Variants in SPATA33 observed in about 807,000 individuals in gnomAD.
SPATA33 encodes the protein spermatogenesis-associated protein 33.
Under a neutral mutation model 8.9 loss-of-function variants are expected in SPATA33, and 10 were observed. The ratio of observed to expected loss-of-function variants is 1.12; its 90% CI spans 0.69 to 1.90. The LOEUF is 1.90. Among genes scored for constraint, SPATA33 ranks in the 40% most tolerant of loss-of-function variants. The pLI, the probability that SPATA33 is intolerant of heterozygous loss-of-function variation, is 0.00. For missense variants in SPATA33, 241 were observed against 178.3 expected (o/e 1.35, Z -2.00); for synonymous variants, 96 against 72.8 (o/e 1.32, Z -1.63).
intron 2 of SPATA33, 64 bp from the exon 3 acceptor site, chr16:89,669,222 G>A: frequency 7.0e-7 from 1 of 1,430,130 alleles, no homozygotes; most frequent in Non-Finnish European, 9.9e-7. Flanking sequence ...ATGGCAGGAG[G>A]TGTGTGCATC....
At chr16:89,666,482 G>T (rs2060026843) in intron 2 of SPATA33, among the ~76,000 whole-genome samples, 1 of 152,168 alleles carries the variant, frequency 6.6e-6, no homozygotes, top group Non-Finnish European at 1.5e-5. Context: ...GGGCAACATG[G>T]CAAAACCGTG....
chr16:89,662,101 G>A (rs1488790363), intron 2 of SPATA33, among the ~76,000 whole-genome samples: 1 of 152,072 alleles, frequency 6.6e-6, no homozygotes, highest in Non-Finnish European at 1.5e-5. Flanking sequence ...AGACCAGCAT[G>A]GCCAACATGG....
intron 2 of SPATA33, chr16:89,661,172 G>A (rs1179400138): frequency 2.0e-6 from 2 of 985,342 alleles, no homozygotes; most frequent in Non-Finnish European, 2.4e-6. Flanking sequence ...AGAAAGTTTG[G>A]CCATAAGTTA....
intron 2 of SPATA33, among the ~76,000 whole-genome samples, chr16:89,665,100 A>G (rs1049558837): frequency 6.6e-6 from 1 of 150,668 alleles, no homozygotes; most frequent in African/African-American, 2.5e-5. Context: ...GGCTCAAACG[A>G]TTCTCCCACC....
intron 2 of SPATA33, among the ~76,000 whole-genome samples, chr16:89,664,438 G>A (rs2059999281): frequency 6.6e-6 from 1 of 152,188 alleles, no homozygotes. Context: ...GAAGAGGGAG[G>A]TGTGTCTCTC....
At position 89,658,072 on chromosome 16, in the gene SPATA33, C is replaced by T. The variant is rs773086491; in HGVS notation, c.37+124C>T. 1.1e-5 allele frequency: 16 copies of T among 1,469,002 alleles called. No individual in the cohort carries two copies. In the African/African-American group the frequency reaches 1.4e-4, roughly 13 times the overall value. 91.0% of individuals were successfully genotyped at this position (1,469,002 alleles called of 1,614,324 possible). A position where few individuals can be genotyped will look rare whatever the true frequency, so the allele number is the denominator to read the frequency against. On this transcript the variant is annotated intron_variant, in intron 1 of 2. Coordinates refer to ENST00000579310, the MANE Select transcript of SPATA33 (RefSeq NM_001271907.2). ...AGGCTCGGCCCGGTGCGAACCGTTC[C>T]TGCCGCCGAGTCCGCCACGGACGGC...
chr16:89,661,295 G>A, intron 2 of SPATA33: 1 of 782,996 alleles, frequency 1.3e-6, no homozygotes, highest in Non-Finnish European at 1.5e-6. Context: ...TGAATTATGG[G>A]GGCAGGTCTT....
intron 2 of SPATA33, chr16:89,667,938 G>C (rs2060048281): frequency 1.3e-5 from 2 of 152,324 alleles, no homozygotes; most frequent in African/African-American, 4.8e-5. Flanking sequence ...TCTGAAATAT[G>C]GGTTGTCAGA....
chr16:89,661,885 G>A (rs1194373235), intron 2 of SPATA33, among the ~76,000 whole-genome samples: 2 of 152,152 alleles, frequency 1.3e-5, no homozygotes, highest in South Asian at 2.1e-4. Flanking sequence ...GGATGAGTCC[G>A]TGTTAATTTT....
Position 89,669,891 on chromosome 16 carries a change from C to G in SPATA33, c.*394C>G, listed in dbSNP as rs1471893129. 8.8e-6 allele frequency: 2 copies of G among 227,040 alleles called. No homozygotes were observed. The highest frequency in any genetic ancestry group is 4.9e-5 in the African/African-American group (2 of 40,914). 14.1% of individuals were successfully genotyped at this position (227,040 alleles called of 1,614,324 possible). Reference sequence around the variant, plus strand: ...CAGGGTTGCCCCACCCTGTGAGAAGCCACCGCCCCCTTCTCCAGTGCTCTC... The same window carrying G: ...CAGGGTTGCCCCACCCTGTGAGAAGGCACCGCCCCCTTCTCCAGTGCTCTC... On this transcript the variant is annotated 3_prime_UTR_variant, in exon 3 of 3. Transcript: ENST00000579310.
chr16:89,668,178 G>A (rs1228785073), intron 2 of SPATA33: 1 of 152,254 alleles, frequency 6.6e-6, no homozygotes. Context: ...CAGGTGTGGT[G>A]GCAGGAGCCT....
chr16:89,658,645 A>G (rs1329634390), intron 2 of SPATA33: 4 of 622,024 alleles, frequency 6.4e-6, no homozygotes, highest in African/African-American at 3.7e-5. Context: ...CCCGAGTGAT[A>G]AGTGCGTACC....
intron 2 of SPATA33, among the ~76,000 whole-genome samples, chr16:89,664,498 A>G (rs2059999988): frequency 6.6e-6 from 1 of 152,164 alleles, no homozygotes; most frequent in African/African-American, 2.4e-5. Context: ...AAAATGCGAG[A>G]TGATCCTGGA....
chr16:89,660,318 C>G (rs929867684), intron 2 of SPATA33: 4 of 469,030 alleles, frequency 8.5e-6, no homozygotes, highest in Non-Finnish European at 1.4e-5. Context: ...TTCAATGGTG[C>G]AAATTCACCA....
chr16:89,668,562 C>T (rs2060056781), intron 2 of SPATA33, among the ~76,000 whole-genome samples: 1 of 152,080 alleles, frequency 6.6e-6, no homozygotes, highest in African/African-American at 2.4e-5. Flanking sequence ...GTAGCAGTGG[C>T]ACTCCAGGAA....
chr16:89,657,854 C>A lies in SPATA33; in HGVS notation c.-58C>A. 2 of 1,509,072 alleles carry A rather than the reference C, an allele frequency of 1.3e-6. No homozygotes were observed. The highest frequency in any genetic ancestry group is 1.8e-6 in the Non-Finnish European group (2 of 1,135,696). The allele number at this position is 1,509,072 out of a possible 1,614,324, so 93.5% of individuals were successfully genotyped here. A position where few individuals can be genotyped will look rare whatever the true frequency, so the allele number is the denominator to read the frequency against. On this transcript the variant is annotated 5_prime_UTR_variant, in exon 1 of 3. Transcript: ENST00000579310. ...ACCTTTTGTGAGTCGCTCCCGGCTCCGCGGCCGCGGAGGTGTGGGGACCCG... is the reference window on the plus strand; with the variant it reads ...ACCTTTTGTGAGTCGCTCCCGGCTCAGCGGCCGCGGAGGTGTGGGGACCCG...
intron 2 of SPATA33, among the ~76,000 whole-genome samples, chr16:89,664,452 C>T (rs1031503619): frequency 2.0e-5 from 3 of 152,292 alleles, no homozygotes; most frequent in South Asian, 2.1e-4. Context: ...GTCTCTCCTG[C>T]GATTAGCTCA....
intron 2 of SPATA33, among the ~76,000 whole-genome samples, chr16:89,666,268 C>T (rs1290796877): frequency 6.6e-6 from 1 of 152,128 alleles, no homozygotes; most frequent in Non-Finnish European, 1.5e-5. Flanking sequence ...CCGAGGATCA[C>T]TTGGGCCTGG....
rs1307070157 is a variant in SPATA33 at position 89,660,749 on chromosome 16, G to A, written c.211+2328G>A. On this transcript the variant is annotated intron_variant, in intron 2 of 2. Transcript: ENST00000579310. Reference sequence around the variant, plus strand: ...AGAAATGGGAGCCGGCCACAGCTGAGCACAAGAGGACTTTGGAGGGTGATG... The same window carrying A: ...AGAAATGGGAGCCGGCCACAGCTGAACACAAGAGGACTTTGGAGGGTGATG... The A allele has an allele frequency of 8.6e-6, 7 of 811,766 alleles. No homozygotes were observed. The South Asian group carries it at 4.0e-4, about 46-fold the overall frequency. The allele number at this position is 811,766 out of a possible 1,614,324, so 50.3% of individuals were successfully genotyped here. A position where few individuals can be genotyped will look rare whatever the true frequency, so the allele number is the denominator to read the frequency against.
Sources: allele counts gnomAD v4.1 joint callset (sites outside exome capture counted in the v4.1 genomes callset), GRCh38; gene constraint gnomAD v4.1.1; transcripts MANE v1.5; gene names NCBI Gene and HGNC (gene_info 2026-07-23, HGNC 2026-07-21).